The following ADCY2 variants were observed in gnomAD, a reference collection of about 807,000 sequenced individuals.
ADCY2 encodes the protein adenylate cyclase 2.
A neutral mutation model predicts 125.2 loss-of-function variants in ADCY2; 31 were observed. The ratio of observed to expected loss-of-function variants is 0.25; its 90% CI spans 0.19 to 0.33. The LOEUF (loss-of-function observed/expected upper bound fraction) is 0.33. ADCY2 is among the 10% of genes least tolerant of loss of function. The probability of loss-of-function intolerance (pLI) is 1.00; values close to 1 mark genes in which losing one functional copy is unlikely to be tolerated. For missense variants in ADCY2, 904 were observed against 1,418.2 expected, an observed-to-expected ratio of 0.64 and a Z score of 5.82; for synonymous variants, 512 against 548.4, an observed-to-expected ratio of 0.93 and a Z score of 0.93.
chr5:7,398,653 A>G (rs567736851), intron 1 of ADCY2, among the ~76,000 whole-genome samples: 20 of 152,314 alleles, frequency 1.3e-4, no homozygotes, highest in African/African-American at 4.6e-4. Flanking sequence ...TACTATGTGC[A>G]CCCTTCAAAG....
At chr5:7,632,431 T>C (rs950693231) in intron 4 of ADCY2, among the ~76,000 whole-genome samples, 1 of 152,212 alleles carries the variant, frequency 6.6e-6, no homozygotes, top group Non-Finnish European at 1.5e-5. Context: ...TTTTTCATTC[T>C]GTAAATGATT....
At chr5:7,527,200 T>G (rs1219869375) in intron 3 of ADCY2, among the ~76,000 whole-genome samples, 1 of 152,170 alleles carries the variant, frequency 6.6e-6, no homozygotes, top group Non-Finnish European at 1.5e-5. Context: ...CCTCAGAGGA[T>G]ATCAGAGGCT....
chr5:7,708,850 G>A (rs1384527267), intron 9 of ADCY2, among the ~76,000 whole-genome samples: 2 of 152,054 alleles, frequency 1.3e-5, no homozygotes, highest in Non-Finnish European at 2.9e-5. Context: ...CACGATGTTT[G>A]GGGCTATGTA....
intron 2 of ADCY2, among the ~76,000 whole-genome samples, chr5:7,459,438 C>T (rs560776643): frequency 8.5e-5 from 13 of 152,314 alleles, no homozygotes; most frequent in Non-Finnish European, 1.6e-4. Context: ...TTCTCACATT[C>T]TGATGGTTAA....
intron 13 of ADCY2, among the ~76,000 whole-genome samples, chr5:7,726,694 C>A (rs555760945): frequency 3.9e-5 from 6 of 152,242 alleles, no homozygotes; most frequent in African/African-American, 1.4e-4. Flanking sequence ...CTCTCAATAG[C>A]ATTAAGACAA....
At chr5:7,633,666 G>A (rs1339318956) in intron 4 of ADCY2, among the ~76,000 whole-genome samples, 2 of 152,104 alleles carry the variant, frequency 1.3e-5, no homozygotes, top group Non-Finnish European at 2.9e-5. Flanking sequence ...CAGTGAAGAA[G>A]CAACTCACCT....
chr5:7,826,900 T>A lies in ADCY2; in HGVS notation c.*29T>A, dbSNP rs761204978. The stretch of plus-strand genomic sequence containing the variant: ...GTCACCTTCATTTTGGCAAGAAGAC[T>A]GTATTTTCAGGAAGGTATCACACAC... On this transcript the variant is annotated 3_prime_UTR_variant, in exon 25 of 25. Coordinates refer to ENST00000338316, the MANE Select transcript of ADCY2 (RefSeq NM_020546.3). 7 of 1,575,342 alleles carry A rather than the reference T, an allele frequency of 4.4e-6. No individual in the cohort carries two copies.
At chr5:7,513,106 C>CACACACACACACACACAGAG (rs777343291) in intron 2 of ADCY2, among the ~76,000 whole-genome samples, 18 of 138,542 alleles carry the variant, frequency 1.3e-4, no homozygotes, top group Non-Finnish European at 2.4e-4. Flanking sequence ...CACACACACA[C>CACACACACACACACACAGAG]AGAGAGAGAG....
intron 3 of ADCY2, among the ~76,000 whole-genome samples, chr5:7,582,602 T>C (rs1169680711): frequency 6.6e-6 from 1 of 152,158 alleles, no homozygotes; most frequent in African/African-American, 2.4e-5. Flanking sequence ...AAGAATAGTT[T>C]AACACATTCA....
intron 2 of ADCY2, among the ~76,000 whole-genome samples, chr5:7,474,140 G>T (rs1385196921): frequency 6.6e-6 from 1 of 152,196 alleles, no homozygotes; most frequent in African/African-American, 2.4e-5. Flanking sequence ...TAGGCTTGGA[G>T]CAATGCTCTT....
At chr5:7,775,457 C>T (rs549902588) in intron 18 of ADCY2, among the ~76,000 whole-genome samples, 1 of 152,050 alleles carries the variant, frequency 6.6e-6, no homozygotes, top group East Asian at 1.9e-4. Flanking sequence ...GTGGTTTGAT[C>T]TCTGCTCAGT....
intron 2 of ADCY2, among the ~76,000 whole-genome samples, chr5:7,487,433 C>G (rs1412609290): frequency 6.6e-6 from 1 of 152,164 alleles, no homozygotes; most frequent in Non-Finnish European, 1.5e-5. Flanking sequence ...AACAGATAAC[C>G]TATGTCTTTG....
At chr5:7,679,126 C>T (rs1740233670) in intron 4 of ADCY2, among the ~76,000 whole-genome samples, 1 of 152,228 alleles carries the variant, frequency 6.6e-6, no homozygotes, top group Non-Finnish European at 1.5e-5. Context: ...ACAGCTAACA[C>T]AGCACACAGC....
chr5:7,763,046 G>GTTTT (rs1156260574), intron 16 of ADCY2, among the ~76,000 whole-genome samples: 98 of 127,792 alleles, frequency 7.7e-4, no homozygotes, highest in African/African-American at 2.5e-3. Flanking sequence ...CATTTTCTTT[G>GTTTT]TTTTTTTTGT....
At chr5:7,418,417 A>G (rs1416667954) in intron 2 of ADCY2, among the ~76,000 whole-genome samples, 2 of 152,244 alleles carry the variant, frequency 1.3e-5, no homozygotes, top group East Asian at 3.9e-4. Context: ...GATGCTTAGA[A>G]AAGGCCATAG....
rs138431653 is a variant in ADCY2 at position 7,489,577 on chromosome 5, G to A, written c.409-31161G>A. On this transcript the variant is annotated intron_variant, in intron 2 of 24. Transcript: ENST00000338316. ...CCCTGCACGAGCTCTCTTGCCTGCC[G>A]CCATGTAAGACATTCCTTTGCTCTA... Among the ~76,000 whole-genome samples the A allele has an allele frequency of 6.6e-4, 100 of 152,172 alleles. 2 individuals are homozygous for A. In the Middle Eastern group the frequency reaches 0.014, roughly 21 times the overall value.
At chr5:7,499,648 GATATATAT>G (rs70940741) in intron 2 of ADCY2, among the ~76,000 whole-genome samples, 15,262 of 118,288 alleles carry the variant, frequency 0.13, 1,010 homozygotes, top group Middle Eastern at 0.16. Context: ...TATGTGGGTG[GATATATAT>G]ATATATATAT....
intron 3 of ADCY2, among the ~76,000 whole-genome samples, chr5:7,536,049 A>G (rs1734802409): frequency 1.3e-5 from 2 of 152,238 alleles, no homozygotes; most frequent in Admixed American, 6.5e-5. Context: ...CATCTAGCTC[A>G]AGAAGTTTTG....
chr5:7,464,756 G>A, intron 2 of ADCY2, among the ~76,000 whole-genome samples: 1 of 152,168 alleles, frequency 6.6e-6, no homozygotes, highest in East Asian at 1.9e-4. Context: ...GGAGATTTTA[G>A]GTGTGAGAAG....
Sources: allele counts gnomAD v4.1 joint callset (sites outside exome capture counted in the v4.1 genomes callset), GRCh38; gene constraint gnomAD v4.1.1; transcripts MANE v1.5; gene names NCBI Gene and HGNC (gene_info 2026-07-23, HGNC 2026-07-21).